Variants in ZC3H6 observed in about 807,000 individuals in gnomAD.
ZC3H6 encodes zinc finger CCCH domain-containing protein 6.
A neutral mutation model predicts 107.7 loss-of-function variants in ZC3H6; 40 were observed. The ratio of observed to expected loss-of-function variants is 0.37; its 90% CI spans 0.29 to 0.48. ZC3H6 has a LOEUF of 0.48. Among genes scored for constraint, ZC3H6 ranks in the 20% least tolerant of loss-of-function variants. The pLI is 0.98. For synonymous variants in ZC3H6, 493 were observed against 487.9 expected (o/e 1.01, Z -0.14); for missense variants, 1,267 against 1,410.4 (o/e 0.90, Z 1.63).
chr2:112,325,083 C>T lies in ZC3H6; in HGVS notation c.1972C>T (p.Pro658Ser). The change falls in exon 11 of 12, where the codon CCA (proline) becomes TCA (serine). Residue 658 changes from proline to serine, a missense_variant. Coordinates refer to ENST00000409871, the MANE Select transcript of ZC3H6 (RefSeq NM_198581.3). ...TRTGHGPLPV[P>S]GLLPAVQRAL... ...GACAGGCCATGGCCCTCTGCCTGTA[C>T]CAGGCCTCCTCCCTGCAGTGCAAAG... The T allele has an allele frequency of 6.2e-7, 1 of 1,614,000 alleles. No homozygotes were observed. Among genetic ancestry groups the T allele is most frequent in the Non-Finnish European group, 8.5e-7 (1 of 1,179,888 alleles).
At chr2:112,321,978 T>C in intron 8 of ZC3H6, 113 bp downstream of exon 8, 1 of 501,244 alleles carries the variant, frequency 2.0e-6, no homozygotes, top group Non-Finnish European at 3.5e-6. Flanking sequence ...GTTTACTATT[T>C]TATATTTTAT....
At chr2:112,309,382 T>C (rs1230883480) in intron 3 of ZC3H6, among the ~76,000 whole-genome samples, 6 of 152,190 alleles carry the variant, frequency 3.9e-5, no homozygotes, top group Non-Finnish European at 1.5e-5. Flanking sequence ...TAGGGAAAGC[T>C]CTGTTTTTTC....
At chr2:112,276,124 C>T (rs1209740853) in intron 1 of ZC3H6, 98 bp downstream of exon 1, 12 of 1,106,082 alleles carry the variant, frequency 1.1e-5, no homozygotes, top group East Asian at 5.8e-5. Flanking sequence ...ATGACCTAGA[C>T]GTCTCTGTGT....
intron 1 of ZC3H6, among the ~76,000 whole-genome samples, chr2:112,276,573 TAACAC>T (rs1234744022): frequency 2.6e-5 from 4 of 152,194 alleles, no homozygotes; most frequent in Non-Finnish European, 5.9e-5. Context: ...TTTAATATGT[TAACAC>T]AAAATACTTA....
At position 112,339,826 on chromosome 2, in the gene ZC3H6, T is replaced by G. The variant is rs1033710759; in HGVS notation, c.*7338T>G. ...TTTACTAGATATCAGTTTAGTAGAT[T>G]AATGACGTTGTTAATCTGTCTGCTC... is the stretch of plus-strand genomic sequence containing the variant. On this transcript the variant is annotated 3_prime_UTR_variant, in exon 12 of 12. Coordinates refer to ENST00000409871, the MANE Select transcript of ZC3H6 (RefSeq NM_198581.3). 9.9e-5 allele frequency: 15 copies of G among 152,176 alleles called. No homozygotes were observed. The highest frequency in any genetic ancestry group is 3.4e-4 in the African/African-American group (14 of 41,446). 9.4% of individuals were successfully genotyped at this position (152,176 alleles called of 1,614,324 possible). A position where few individuals can be genotyped will look rare whatever the true frequency, so the allele number is the denominator to read the frequency against.
rs1676601246 is a variant in ZC3H6, at chr2:112,311,892, C to G, written c.702C>G (p.Thr234=). The part of the protein sequence containing the change: ...KIKRKERGGR[T]NKGPNVFSVS... The stretch of plus-strand genomic sequence containing the variant: ...AACGAAAAGAACGTGGGGGAAGAAC[C>G]AATAAAGGGCCTAATGTGTTTTCAG... The change falls in exon 5 of 12, where the codon ACC becomes ACG. Residue 234 remains threonine (T), a synonymous_variant. Transcript: ENST00000409871. 6.2e-7 allele frequency: 1 copy of G among 1,613,170 alleles called. No individual in the cohort carries two copies. The highest frequency in any genetic ancestry group is 1.3e-5 in the African/African-American group (1 of 74,882).
chr2:112,300,454 C>T (rs770090915), intron 2 of ZC3H6, among the ~76,000 whole-genome samples: 9 of 152,148 alleles, frequency 5.9e-5, no homozygotes, highest in Admixed American at 2.6e-4. Flanking sequence ...ATGTGCCAAC[C>T]GTGGCCTCCC....
chr2:112,299,764 T>C, intron 1 of ZC3H6, 85 bp from the exon 2 acceptor site: 3 of 1,074,034 alleles, frequency 2.8e-6, no homozygotes, highest in Non-Finnish European at 3.7e-6. Flanking sequence ...CATAAATCCT[T>C]GGCATATGCT....
Position 112,277,683 on chromosome 2 carries a change from A to C in ZC3H6, c.32+1657A>C, listed in dbSNP as rs1558943300. 2.0e-5 allele frequency among the ~76,000 whole-genome samples: 3 copies of C among 152,208 alleles called. No homozygotes were observed. In the South Asian group the frequency reaches 6.2e-4, roughly 31 times the overall value. ...GTCTATTTTATTTAAAATTCGGACTAAAAGTATTTTCTAGTGATTTCTGAA... is the reference window on the plus strand; with the variant it reads ...GTCTATTTTATTTAAAATTCGGACTCAAAGTATTTTCTAGTGATTTCTGAA... On this transcript the variant is annotated intron_variant, in intron 1 of 11. Coordinates refer to ENST00000409871, the MANE Select transcript of ZC3H6 (RefSeq NM_198581.3).
At chr2:112,329,874 G>T (rs957913312) in intron 11 of ZC3H6, among the ~76,000 whole-genome samples, 5 of 152,172 alleles carry the variant, frequency 3.3e-5, no homozygotes, top group African/African-American at 1.2e-4. Flanking sequence ...TAATGGAGAG[G>T]AGGGAGAATC....
At chr2:112,317,191 C>CTTTTTTTTTTTTT in intron 6 of ZC3H6, 30 bp from the exon 7 acceptor site, 1 of 1,118,010 alleles carries the variant, frequency 8.9e-7, no homozygotes, top group East Asian at 3.3e-5. Flanking sequence ...ACCTTTTTTT[C>CTTTTTTTTTTTTT]TTTTTTCTTT....
intron 11 of ZC3H6, among the ~76,000 whole-genome samples, chr2:112,330,255 G>A (rs368758609): frequency 5.9e-5 from 9 of 152,052 alleles, no homozygotes; most frequent in Middle Eastern, 3.4e-3. Context: ...GGGTTTCACC[G>A]AGTTAGCCAG....
intron 1 of ZC3H6, among the ~76,000 whole-genome samples, chr2:112,276,988 CTATA>C (rs1362420636): frequency 1.3e-5 from 2 of 150,922 alleles, no homozygotes; most frequent in Non-Finnish European, 2.9e-5. Context: ...TTACTATAGA[CTATA>C]TACATTGCTG....
chr2:112,312,864 T>TAAA (rs5833443), intron 5 of ZC3H6, among the ~76,000 whole-genome samples: 2 of 131,572 alleles, frequency 1.5e-5, no homozygotes, highest in African/African-American at 2.7e-5. Context: ...CATCTCAAAA[T>TAAA]AAAAAAAAAA....
At chr2:112,301,814 T>TA (rs1237709675) in intron 2 of ZC3H6, among the ~76,000 whole-genome samples, 1 of 151,832 alleles carries the variant, frequency 6.6e-6, no homozygotes, top group Non-Finnish European at 1.5e-5. Flanking sequence ...AATAGTTTTT[T>TA]AAAAAAGATC....
At chr2:112,328,092 AC>A (rs1676946457) in intron 11 of ZC3H6, among the ~76,000 whole-genome samples, 1 of 152,110 alleles carries the variant, frequency 6.6e-6, no homozygotes, top group African/African-American at 2.4e-5. Context: ...CGGTTTTACC[AC>A]GTTGGCCAGG....
At chr2:112,278,901 G>T (rs971503268) in intron 1 of ZC3H6, among the ~76,000 whole-genome samples, 1 of 152,066 alleles carries the variant, frequency 6.6e-6, no homozygotes, top group Non-Finnish European at 1.5e-5. Flanking sequence ...GATTACAGGC[G>T]TGAGCCACCA....
intron 1 of ZC3H6, among the ~76,000 whole-genome samples, chr2:112,282,264 G>T (rs912308333): frequency 5.9e-5 from 9 of 152,164 alleles, no homozygotes; most frequent in African/African-American, 1.4e-4. Flanking sequence ...AGTTCAGAGC[G>T]GCCGGAGAAC....
chr2:112,321,572 T>C (rs1473386975), intron 7 of ZC3H6, among the ~76,000 whole-genome samples, 184 bp from the exon 8 acceptor site: 1 of 152,064 alleles, frequency 6.6e-6, no homozygotes, highest in African/African-American at 2.4e-5. Context: ...TTAAGAACAC[T>C]TAGCATGAGT....
Sources: allele counts gnomAD v4.1 joint callset (sites outside exome capture counted in the v4.1 genomes callset), GRCh38; gene constraint gnomAD v4.1.1; transcripts MANE v1.5; gene names NCBI Gene and HGNC (gene_info 2026-07-23, HGNC 2026-07-21).